Variants in ACACB observed in about 807,000 individuals in gnomAD.
The protein encoded by ACACB is acetyl-CoA carboxylase 2.
ACACB carries 209 observed loss-of-function variants against 278.8 expected under a neutral mutation model. That is an observed-to-expected ratio of 0.75 (90% CI 0.67 to 0.84). The LOEUF is 0.84. Among genes scored for constraint, ACACB ranks in the 40% least tolerant of loss-of-function variants. ACACB has a pLI of 0.00. For missense variants in ACACB, 2,850 were observed against 3,269.0 expected (o/e 0.87, Z 3.13); for synonymous variants, 1,174 against 1,285.6 (o/e 0.91, Z 1.86).
At position 109,260,465 on chromosome 12, in the gene ACACB, T is replaced by C; in HGVS notation, c.6497-15T>C. On this transcript the variant is annotated splice_polypyrimidine_tract_variant and intron_variant, in intron 47 of 52. Coordinates refer to ENST00000338432, the MANE Select transcript of ACACB (RefSeq NM_001093.4). ...GAGTGAGGGCCCTGAACTGGGAGGC[T>C]GCTTTGCTTTTCAGACATGTATGAC... 1 of 1,614,182 alleles carries C rather than the reference T, an allele frequency of 6.2e-7. No homozygotes were observed. The highest frequency in any genetic ancestry group is 8.5e-7 in the Non-Finnish European group (1 of 1,180,012).
intron 2 of ACACB, among the ~76,000 whole-genome samples, chr12:109,143,393 G>C (rs1225048757): frequency 6.8e-6 from 1 of 147,874 alleles, no homozygotes; most frequent in Non-Finnish European, 1.5e-5. Flanking sequence ...AGCCCAGGAG[G>C]CAGAGGTTGC....
At chr12:109,197,210 G>C in intron 17 of ACACB, 57 bp downstream of exon 17, 1 of 1,559,866 alleles carries the variant, frequency 6.4e-7, no homozygotes, top group Non-Finnish European at 8.6e-7. Flanking sequence ...TCTGTCCTAG[G>C]CATGGAAAAC....
chr12:109,208,528 T>C (rs1200535069), intron 20 of ACACB, among the ~76,000 whole-genome samples: 1 of 152,170 alleles, frequency 6.6e-6, no homozygotes, highest in African/African-American at 2.4e-5. Flanking sequence ...CTTTTATTAG[T>C]TGGGGCACTT....
chr12:109,251,492 G>C (rs906454443), intron 41 of ACACB, among the ~76,000 whole-genome samples: 1 of 152,162 alleles, frequency 6.6e-6, no homozygotes, highest in Non-Finnish European at 1.5e-5. Flanking sequence ...TTGTTTTCTA[G>C]ATTATATGTA....
intron 37 of ACACB, among the ~76,000 whole-genome samples, chr12:109,244,063 G>A (rs2046875236): frequency 6.6e-6 from 1 of 152,016 alleles, no homozygotes; most frequent in Admixed American, 6.6e-5. Flanking sequence ...CCTACAGAAT[G>A]GGAGAAAATT....
chr12:109,250,784 C>T (rs1013746), intron 41 of ACACB, among the ~76,000 whole-genome samples: 124,238 of 152,090 alleles, frequency 0.82, 50,888 homozygotes, highest in Admixed American at 0.86. Flanking sequence ...CGAGGCAAGT[C>T]TCTCAGCAGG....
intron 47 of ACACB, 64 bp from the exon 48 acceptor site, chr12:109,260,416 G>C (rs1209039630): frequency 1.4e-5 from 22 of 1,599,258 alleles, no homozygotes; most frequent in Non-Finnish European, 1.9e-5. Flanking sequence ...AGGACAACTA[G>C]GGCAGTGGGT....
chr12:109,135,189 C>G (rs777392977), intron 1 of ACACB, among the ~76,000 whole-genome samples: 1 of 152,162 alleles, frequency 6.6e-6, no homozygotes, highest in Non-Finnish European at 1.5e-5. Context: ...TATTCTCTCT[C>G]TCTCTCTTTT....
chr12:109,202,383 C>G (rs1219080118), intron 19 of ACACB, among the ~76,000 whole-genome samples: 2 of 152,082 alleles, frequency 1.3e-5, no homozygotes, highest in Admixed American at 1.3e-4. Flanking sequence ...GGCGTGATCT[C>G]GACTCACTGC....
At chr12:109,246,066 C>T (rs118115444) in intron 38 of ACACB, 113 bp from the exon 39 acceptor site, 67,583 of 1,264,694 alleles carry the variant, frequency 0.053, 2,037 homozygotes, top group Non-Finnish European at 0.061. Context: ...CTCTGGCCTG[C>T]GCAACAGAGC....
chr12:109,194,099 G>A (rs1186542762), intron 16 of ACACB, among the ~76,000 whole-genome samples: 2 of 152,158 alleles, frequency 1.3e-5, no homozygotes, highest in Non-Finnish European at 2.9e-5. Context: ...GATCTGTTCC[G>A]AGCCTCCCCA....
chr12:109,222,439 C>T (rs1426297213), intron 24 of ACACB, 68 bp from the exon 25 acceptor site: 5 of 1,444,010 alleles, frequency 3.5e-6, no homozygotes, highest in East Asian at 2.3e-5. Context: ...CTCCCCAAGT[C>T]GAGATGAGTG....
chr12:109,225,556 G>A (rs2046289741), intron 27 of ACACB, among the ~76,000 whole-genome samples: 1 of 152,202 alleles, frequency 6.6e-6, no homozygotes, highest in South Asian at 2.1e-4. Context: ...GGAATGGTGG[G>A]AACCTTCCCC....
intron 11 of ACACB, 83 bp downstream of exon 11, chr12:109,180,170 C>T (rs2044419946): frequency 1.4e-6 from 2 of 1,432,054 alleles, no homozygotes; most frequent in South Asian, 1.3e-5. Flanking sequence ...CCATCCCGCC[C>T]ATCTCTTGGC....
At chr12:109,249,813 T>C in intron 40 of ACACB, 171 bp from the exon 41 acceptor site, 1 of 704,368 alleles carries the variant, frequency 1.4e-6, no homozygotes, top group Non-Finnish European at 2.2e-6. Context: ...CTTTTAGAAA[T>C]CTTAGCACTC....
intron 11 of ACACB, 43 bp from the exon 12 acceptor site, chr12:109,185,536 C>A: frequency 6.2e-7 from 1 of 1,609,000 alleles, no homozygotes; most frequent in South Asian, 1.1e-5. Flanking sequence ...GGGCCGTGTT[C>A]TGGTAGGACT....
At position 109,216,824 on chromosome 12, in the gene ACACB, C is replaced by T; in HGVS notation, c.3468C>T (p.Leu1156=). The T allele has an allele frequency of 6.2e-7, 1 of 1,614,176 alleles. No homozygotes were observed. Among genetic ancestry groups the T allele is most frequent in the South Asian group, 1.1e-5 (1 of 91,080 alleles). Reference sequence around the variant, plus strand: ...ACTACGACAAGTGTGTGATAAACCTCAGGGAGCAGTTCAAGCCAGACATGT... The same window carrying T: ...ACTACGACAAGTGTGTGATAAACCTTAGGGAGCAGTTCAAGCCAGACATGT... ...QAHYDKCVIN[L]REQFKPDMSQ... is the part of the protein sequence containing the mutation. Residue 1156 remains leucine, a synonymous_variant, in exon 24 of 53, where the codon CTC becomes CTT. Transcript: ENST00000338432.
chr12:109,230,155 TA>T (rs2136580384), intron 28 of ACACB, among the ~76,000 whole-genome samples: 1 of 152,324 alleles, frequency 6.6e-6, no homozygotes, highest in African/African-American at 2.4e-5. Flanking sequence ...TTAGGATTTT[TA>T]AAATAACTTT....
At chr12:109,210,164 T>C (rs1295965691) in intron 21 of ACACB, among the ~76,000 whole-genome samples, 2 of 54,200 alleles carry the variant, frequency 3.7e-5, no homozygotes, top group Non-Finnish European at 7.6e-5. Flanking sequence ...CACGTGTGTA[T>C]ATGTATATAT....
Sources: gnomAD v4.1 joint callset for allele counts (sites outside exome capture counted in the v4.1 genomes callset) on GRCh38, gnomAD v4.1.1 for gene constraint, MANE v1.5 for transcripts, NCBI Gene and HGNC (gene_info 2026-07-23, HGNC 2026-07-21) for gene names.